KDM5A: variants seen among roughly 807,000 people sequenced by gnomAD.
The protein encoded by KDM5A is lysine demethylase 5A.
KDM5A carries 42 observed loss-of-function variants against 193.5 expected under a neutral mutation model. The ratio of observed to expected loss-of-function variants is 0.22; its 90% CI spans 0.17 to 0.28. The LOEUF (loss-of-function observed/expected upper bound fraction) is 0.28. Among genes scored for constraint, KDM5A ranks in the 10% least tolerant of loss-of-function variants. The pLI is 1.00. For missense variants in KDM5A, 1,692 were observed against 2,055.1 expected (o/e 0.82, Z 3.42); for synonymous variants, 796 against 718.1 (o/e 1.11, Z -1.73).
chr12:318,000 A>G lies in KDM5A; in HGVS notation c.2897+106T>C, dbSNP rs1943668874. The G allele has an allele frequency of 6.4e-5, 12 of 186,744 alleles. No individual in the cohort carries two copies. In the South Asian group the frequency reaches 1.8e-3, roughly 28 times the overall value. The allele number at this position is 186,744 out of a possible 1,614,324, so 11.6% of individuals were successfully genotyped here. ...ACTTATACATTAAAATCCTAAACGC[A>G]AAAAAAAAAAAAGTCATTTAATGAA... is the stretch of plus-strand genomic sequence containing the variant. On this transcript the variant is annotated intron_variant, in intron 19 of 27. Coordinates refer to ENST00000399788, the MANE Select transcript of KDM5A (RefSeq NM_001042603.3).
At chr12:308,237 C>A (rs1035084769) in intron 22 of KDM5A, among the ~76,000 whole-genome samples, 31 of 152,092 alleles carry the variant, frequency 2.0e-4, no homozygotes, top group African/African-American at 7.5e-4. Flanking sequence ...CTGTAGGGTG[C>A]GGTACAAAGA....
At chr12:316,615 G>A (rs1009009710) in intron 19 of KDM5A, among the ~76,000 whole-genome samples, 2 of 152,128 alleles carry the variant, frequency 1.3e-5, no homozygotes, top group South Asian at 2.1e-4. Context: ...GGTGCGCCAC[G>A]TTTATCAAAA....
At chr12:346,462 A>G (rs1944077158) in intron 10 of KDM5A, among the ~76,000 whole-genome samples, 1 of 152,204 alleles carries the variant, frequency 6.6e-6, no homozygotes, top group Non-Finnish European at 1.5e-5. Flanking sequence ...CACAACAAAA[A>G]AAGAGAATTT....
chr12:374,519 CTT>C (rs1944475058), intron 3 of KDM5A, among the ~76,000 whole-genome samples: 1 of 152,268 alleles, frequency 6.6e-6, no homozygotes, highest in East Asian at 1.9e-4. Context: ...GATCTTGACT[CTT>C]TATCCAATTT....
At chr12:352,634 G>A (rs764183562) in intron 8 of KDM5A, among the ~76,000 whole-genome samples, 1 of 152,164 alleles carries the variant, frequency 6.6e-6, no homozygotes, top group Non-Finnish European at 1.5e-5. Flanking sequence ...GCCTAGGGAT[G>A]CCTAACATTC....
At chr12:340,371 T>G (rs769844609) in intron 10 of KDM5A, among the ~76,000 whole-genome samples, 2 of 152,062 alleles carry the variant, frequency 1.3e-5, no homozygotes, top group Admixed American at 6.6e-5. Flanking sequence ...CAACCTCATG[T>G]GAGACTCCAA....
chr12:323,842 TAA>T, intron 14 of KDM5A, 61 bp from the exon 15 acceptor site: 1 of 1,377,774 alleles, frequency 7.3e-7, no homozygotes, highest in South Asian at 1.2e-5. Context: ...TCAAAAAACT[TAA>T]GTTACTACAT....
At chr12:371,784 T>A (rs9739950) in intron 3 of KDM5A, among the ~76,000 whole-genome samples, 3 of 152,108 alleles carry the variant, frequency 2.0e-5, no homozygotes, top group East Asian at 3.9e-4. Flanking sequence ...TTTGTATAAG[T>A]TGTAAGGAAG....
In KDM5A at chr12:358,283, A is replaced by G. The variant is rs901224894; in HGVS notation, c.673-1746T>C. On this transcript the variant is annotated intron_variant, in intron 5 of 27. Coordinates refer to ENST00000399788, the MANE Select transcript of KDM5A (RefSeq NM_001042603.3). ...CCCAGGATAAAATACAGACTACTTT[A>G]TAAGTCTGTGGTTACATAACAAATG... Among the ~76,000 whole-genome samples, 10 of 152,358 alleles carry G rather than the reference A, an allele frequency of 6.6e-5. No homozygotes were observed. The South Asian group carries it at 1.9e-3, about 28-fold the overall frequency.
chr12:306,848 A>G, intron 24 of KDM5A, 98 bp downstream of exon 24: 1 of 1,166,178 alleles, frequency 8.6e-7, no homozygotes, highest in South Asian at 1.3e-5. Flanking sequence ...TTTCTCTTTC[A>G]CTTTCAGGCC....
chr12:345,352 T>C (rs551607391), intron 10 of KDM5A, among the ~76,000 whole-genome samples: 1 of 152,210 alleles, frequency 6.6e-6, no homozygotes, highest in East Asian at 1.9e-4. Context: ...CAATATTAGA[T>C]AGATCAATGA....
At chr12:349,138 A>T (rs1944117179) in intron 10 of KDM5A, among the ~76,000 whole-genome samples, 2 of 149,242 alleles carry the variant, frequency 1.3e-5, no homozygotes, top group Non-Finnish European at 3.0e-5. Context: ...ATCCTGCCTT[A>T]GCCTCCCAAG....
intron 14 of KDM5A, among the ~76,000 whole-genome samples, chr12:324,503 A>C (rs1242687682): frequency 6.6e-6 from 1 of 152,212 alleles, no homozygotes; most frequent in Non-Finnish European, 1.5e-5. Flanking sequence ...AAGAAGTATA[A>C]AGTAAATTGT....
intron 27 of KDM5A, among the ~76,000 whole-genome samples, chr12:287,857 C>T (rs527324121): frequency 3.3e-5 from 5 of 152,264 alleles, no homozygotes; most frequent in African/African-American, 1.2e-4. Context: ...CTTTTTAAAT[C>T]TAGTGTTTGC....
intron 10 of KDM5A, among the ~76,000 whole-genome samples, chr12:338,382 C>T (rs148609499): frequency 5.9e-5 from 9 of 152,304 alleles, no homozygotes; most frequent in Non-Finnish European, 1.2e-4. Context: ...AATGAACACA[C>T]ATGTAAAGCA....
intron 10 of KDM5A, among the ~76,000 whole-genome samples, chr12:346,144 C>T (rs955191017): frequency 1.3e-5 from 2 of 152,128 alleles, no homozygotes; most frequent in East Asian, 1.9e-4. Context: ...AACACCTCTA[C>T]ACAAATAAAC....
intron 6 of KDM5A, among the ~76,000 whole-genome samples, chr12:355,575 G>A (rs1944221475): frequency 6.6e-6 from 1 of 152,124 alleles, no homozygotes; most frequent in Non-Finnish European, 1.5e-5. Context: ...TCCCAAATTA[G>A]GGACTAATTT....
At chr12:368,050 A>G (rs2137473857) in intron 3 of KDM5A, among the ~76,000 whole-genome samples, 1 of 152,320 alleles carries the variant, frequency 6.6e-6, no homozygotes, top group South Asian at 2.1e-4. Context: ...AGATAAATGA[A>G]TAAACGAAAT....
At chr12:291,803 T>C (rs1276485395) in intron 27 of KDM5A, among the ~76,000 whole-genome samples, 1 of 152,174 alleles carries the variant, frequency 6.6e-6, no homozygotes, top group East Asian at 1.9e-4. Context: ...AGTCTGACTA[T>C]TACTCTCAGA....
Sources: gnomAD v4.1 joint callset for allele counts (sites outside exome capture counted in the v4.1 genomes callset) on GRCh38, gnomAD v4.1.1 for gene constraint, MANE v1.5 for transcripts, NCBI Gene and HGNC (gene_info 2026-07-23, HGNC 2026-07-21) for gene names.